The following SND1 variants were observed in gnomAD, a reference collection of about 807,000 sequenced individuals.
SND1 encodes the protein staphylococcal nuclease domain-containing protein 1.
Under a neutral mutation model 121.7 loss-of-function variants are expected in SND1, and 38 were observed. That is an observed-to-expected ratio of 0.31 (90% CI 0.24 to 0.41). SND1 has a LOEUF of 0.41. Ranked by LOEUF, SND1 falls within the 10% of genes least tolerant of loss-of-function variation. SND1 has a pLI of 1.00. For synonymous variants in SND1, 401 were observed against 447.4 expected (o/e 0.90, Z 1.31); for missense variants, 868 against 1,184.6 (o/e 0.73, Z 3.92).
intron 1 of SND1, among the ~76,000 whole-genome samples, chr7:127,680,009 C>T (rs569346621): frequency 3.5e-4 from 53 of 152,112 alleles, no homozygotes; most frequent in African/African-American, 1.1e-3. Flanking sequence ...CCCTAAGCGT[C>T]GGCTGGTTTG....
chr7:127,901,230 G>A (rs183587548), intron 13 of SND1, among the ~76,000 whole-genome samples: 2 of 152,258 alleles, frequency 1.3e-5, no homozygotes, highest in East Asian at 3.9e-4. Context: ...AGTACACCTT[G>A]TTTTCAGCAG....
chr7:127,683,067 C>T (rs972090), intron 1 of SND1, among the ~76,000 whole-genome samples: 50,067 of 151,874 alleles, frequency 0.33, 9,110 homozygotes, highest in Admixed American at 0.42. Context: ...TATTTGGTGG[C>T]GACTGTTAGC....
chr7:128,092,332 A>C lies in SND1; in HGVS notation c.*274A>C. The C allele has an allele frequency of 2.2e-6, 1 of 461,520 alleles. No homozygotes were observed. Among genetic ancestry groups the C allele is most frequent in the Non-Finnish European group, 3.8e-6 (1 of 259,892 alleles). The allele number at this position is 461,520 out of a possible 1,614,324, so 28.6% of individuals were successfully genotyped here. ...TGGAGGTTTGTGGGCTTTTTTTAAAAAAAAAAAGTCCTCAAATCAGGAAGA... is the reference window on the plus strand; with the variant it reads ...TGGAGGTTTGTGGGCTTTTTTTAAACAAAAAAAGTCCTCAAATCAGGAAGA... On this transcript the variant is annotated 3_prime_UTR_variant, in exon 24 of 24. Coordinates refer to ENST00000354725, the MANE Select transcript of SND1 (RefSeq NM_014390.4). This position sits in a 1 kb window ranked among gnomAD's most constrained non-coding sequence, Gnocchi z 4.9.
At chr7:127,821,304 G>A (rs1308323937) in intron 11 of SND1, among the ~76,000 whole-genome samples, 1 of 152,138 alleles carries the variant, frequency 6.6e-6, no homozygotes, top group Non-Finnish European at 1.5e-5. Flanking sequence ...AGTAGCATGC[G>A]GGGTGCTTGG....
Position 128,091,974 on chromosome 7 carries a change from T to C in SND1, c.2668-19T>C. On this transcript the variant is annotated intron_variant, in intron 23 of 23. Transcript: ENST00000354725. ...GGGTCCCGTATCCCTGAAGAGCTAT[T>C]GTCTGTTTTTTCTTACAGCTGAACC... 6.2e-7 allele frequency: 1 copy of C among 1,614,132 alleles called. No homozygotes were observed. The highest frequency in any genetic ancestry group is 8.5e-7 in the Non-Finnish European group (1 of 1,180,006).
At chr7:127,826,554 G>A (rs1267027408) in intron 11 of SND1, among the ~76,000 whole-genome samples, 4 of 152,130 alleles carry the variant, frequency 2.6e-5, no homozygotes, top group Admixed American at 2.6e-4. Context: ...AAGCTTGATA[G>A]ATTTTTCCCA....
chr7:127,857,341 C>T (rs1048206864), intron 12 of SND1, among the ~76,000 whole-genome samples: 10 of 146,958 alleles, frequency 6.8e-5, no homozygotes, highest in African/African-American at 2.3e-4. Context: ...TACAGGCGCC[C>T]GCCACCGCCC....
chr7:127,766,117 T>G (rs1797405685), intron 10 of SND1, among the ~76,000 whole-genome samples: 1 of 152,174 alleles, frequency 6.6e-6, no homozygotes, highest in Non-Finnish European at 1.5e-5. Flanking sequence ...TTGTTGCCCC[T>G]TCCATCCTTT....
chr7:127,931,430 G>A (rs549736820), intron 15 of SND1, among the ~76,000 whole-genome samples: 58 of 152,290 alleles, frequency 3.8e-4, no homozygotes, highest in Non-Finnish European at 6.5e-4. Context: ...GCTGTTAGAG[G>A]TTGGTTCATG....
chr7:127,717,418 C>T lies in SND1; in HGVS notation c.1039-3869C>T, dbSNP rs139266257. Among the ~76,000 whole-genome samples, 31 of 152,086 alleles carry T rather than the reference C, an allele frequency of 2.0e-4. No individual in the cohort carries two copies. In the East Asian group the frequency reaches 4.6e-3, roughly 23 times the overall value. ...AGTACTGGTCAGGTAGTGTGTAGGA[C>T]GTCCCTCTGTTGAAAGTTGTCTGAT... On this transcript the variant is annotated intron_variant, in intron 9 of 23. Transcript: ENST00000354725.
At chr7:127,891,160 G>C (rs17151488) in intron 13 of SND1, among the ~76,000 whole-genome samples, 32,164 of 151,982 alleles carry the variant, frequency 0.21, 3,986 homozygotes, top group Middle Eastern at 0.32. Context: ...TTGCTAGATA[G>C]GAATGGTGGT....
At chr7:127,737,125 G>T (rs1207599816) in intron 10 of SND1, among the ~76,000 whole-genome samples, 1 of 152,202 alleles carries the variant, frequency 6.6e-6, no homozygotes, top group Non-Finnish European at 1.5e-5. Context: ...TAAAATCACT[G>T]TTGCTAAAGA....
chr7:127,827,498 T>G (rs914453864), intron 11 of SND1, among the ~76,000 whole-genome samples: 1 of 152,242 alleles, frequency 6.6e-6, no homozygotes, highest in African/African-American at 2.4e-5. Flanking sequence ...CTGTGAATGA[T>G]TAATAACTCT....
intron 15 of SND1, among the ~76,000 whole-genome samples, chr7:127,971,494 G>A (rs995536814): frequency 4.6e-5 from 7 of 152,254 alleles, no homozygotes; most frequent in East Asian, 1.9e-4. Flanking sequence ...TGTTGGTGAC[G>A]CTGAGTCTTA....
rs3808102 is a variant in SND1, at chr7:127,693,217, A to G, written c.229-1611A>G. 3.3e-5 allele frequency among the ~76,000 whole-genome samples: 5 copies of G among 152,164 alleles called. No homozygotes were observed. The East Asian group carries it at 9.7e-4, about 29-fold the overall frequency. The stretch of plus-strand genomic sequence containing the variant: ...TGTGATGTGGTTGATAATTGGGATC[A>G]TTTGTCAATCATCAGACTCTTTGGT... On this transcript the variant is annotated intron_variant, in intron 2 of 23. Coordinates refer to ENST00000354725, the MANE Select transcript of SND1 (RefSeq NM_014390.4).
rs571601362 is a variant in SND1 at position 127,812,353 on chromosome 7, C to A, written c.1242+4780C>A. On this transcript the variant is annotated intron_variant, in intron 11 of 23. Coordinates refer to ENST00000354725, the MANE Select transcript of SND1 (RefSeq NM_014390.4). ...GTGCTTTTAGCCCTCTAGACAGTAT[C>A]TCATTAGTCTTTGAGATGTCCCTGT... Among the ~76,000 whole-genome samples the A allele has an allele frequency of 3.9e-4, 59 of 152,158 alleles. 1 individual carries two copies. Among genetic ancestry groups the A allele is most frequent in the Non-Finnish European group, 4.4e-4 (30 of 68,036 alleles).
intron 11 of SND1, among the ~76,000 whole-genome samples, chr7:127,829,064 G>A (rs919129997): frequency 7.2e-5 from 11 of 152,146 alleles, no homozygotes; most frequent in African/African-American, 2.2e-4. Flanking sequence ...GTATACTAGC[G>A]ATACATTCAA....
At chr7:127,940,384 A>C (rs1189220444) in intron 15 of SND1, among the ~76,000 whole-genome samples, 1 of 152,058 alleles carries the variant, frequency 6.6e-6, no homozygotes, top group African/African-American at 2.4e-5. Context: ...CTACTGTGCT[A>C]CTCACCAGAA....
chr7:127,987,196 A>G (rs2116910875), intron 15 of SND1, among the ~76,000 whole-genome samples: 1 of 152,216 alleles, frequency 6.6e-6, no homozygotes, highest in African/African-American at 2.4e-5. Context: ...GTGGCTTGGG[A>G]GCGCTCCATT....
Sources: gnomAD v4.1 joint callset for allele counts (sites outside exome capture counted in the v4.1 genomes callset) on GRCh38, gnomAD v4.1.1 for gene constraint, Gnocchi (gnomAD v3.1) non-coding constraint, MANE v1.5 for transcripts, NCBI Gene and HGNC (gene_info 2026-07-23, HGNC 2026-07-21) for gene names.